The following KSR1 variants were observed in gnomAD, a reference collection of about 807,000 sequenced individuals.
KSR1 encodes kinase suppressor of ras.
Under a neutral mutation model 92.9 loss-of-function variants are expected in KSR1, and 35 were observed. The observed-to-expected ratio is 0.38, with a 90% CI of 0.29 to 0.50. The LOEUF (loss-of-function observed/expected upper bound fraction) is 0.50. Among genes scored for constraint, KSR1 ranks in the 20% least tolerant of loss-of-function variants. The pLI is 0.94. For synonymous variants in KSR1, 467 were observed against 472.6 expected, an observed-to-expected ratio of 0.99 and a Z score of 0.15; for missense variants, 972 against 1,158.5, an observed-to-expected ratio of 0.84 and a Z score of 2.34.
intron 1 of KSR1, among the ~76,000 whole-genome samples, chr17:27,465,819 G>A (rs949059477): frequency 2.0e-5 from 3 of 152,072 alleles, no homozygotes; most frequent in African/African-American, 7.2e-5. Flanking sequence ...TATGGATAAG[G>A]GAGACCAGCT....
chr17:27,577,915 T>A lies in KSR1; in HGVS notation c.520+276T>A. ...CTGGGCTGGGCTGGCCTGGCATGGT[T>A]TCCTCTCTGTTGAGGGCTCTGTGTA... On this transcript the variant is annotated intron_variant, in intron 3 of 20. Transcript: ENST00000644974. This position sits in a 1 kb window ranked among gnomAD's most constrained non-coding sequence, Gnocchi z 4.5. The A allele has an allele frequency of 1.8e-6, 1 of 563,814 alleles. No homozygotes were observed. The highest frequency in any genetic ancestry group is 1.9e-5 in the South Asian group (1 of 53,394). The allele number at this position is 563,814 out of a possible 1,614,324, so 34.9% of individuals were successfully genotyped here.
chr17:27,471,547 G>A (rs2020002438), intron 1 of KSR1, among the ~76,000 whole-genome samples: 1 of 152,166 alleles, frequency 6.6e-6, no homozygotes, highest in African/African-American at 2.4e-5. Flanking sequence ...GGAGGAGGCT[G>A]GTGTGCCTGG....
In KSR1 at chr17:27,610,302, G is replaced by T; in HGVS notation, c.2357+104G>T. On this transcript the variant is annotated intron_variant, in intron 17 of 20. Coordinates refer to ENST00000644974, the MANE Select transcript of KSR1 (RefSeq NM_001394583.1). ...CATGCTTTTAGGTGTTGAAAACCCAGGCTCTGGAGTAAAAAATCAACCTTG... is the reference window on the plus strand; with the variant it reads ...CATGCTTTTAGGTGTTGAAAACCCATGCTCTGGAGTAAAAAATCAACCTTG... 2.7e-6 allele frequency: 4 copies of T among 1,499,362 alleles called. No homozygotes were observed. The South Asian group carries it at 3.7e-5, about 14-fold the overall frequency. 92.9% of individuals were successfully genotyped at this position (1,499,362 alleles called of 1,614,324 possible). A position where few individuals can be genotyped will look rare whatever the true frequency, so the allele number is the denominator to read the frequency against.
chr17:27,583,854 C>T (rs1262200102), intron 4 of KSR1: 4 of 247,358 alleles, frequency 1.6e-5, no homozygotes, highest in Non-Finnish European at 1.9e-5. Flanking sequence ...AGCGCAGCAG[C>T]TCTGTGGCTT....
At chr17:27,521,333 C>A (rs1454877973) in intron 1 of KSR1, among the ~76,000 whole-genome samples, 1 of 149,112 alleles carries the variant, frequency 6.7e-6, no homozygotes, top group Non-Finnish European at 1.5e-5. Context: ...AAAGGCCATT[C>A]CTTTTTTTTT....
intron 1 of KSR1, among the ~76,000 whole-genome samples, chr17:27,525,228 G>A (rs915702763): frequency 1.6e-4 from 25 of 152,380 alleles, no homozygotes; most frequent in African/African-American, 4.3e-4. Context: ...GGACAGGGCT[G>A]TGTACAGTCA....
At chr17:27,515,935 T>TTCTC (rs1468189119) in intron 1 of KSR1, among the ~76,000 whole-genome samples, 1 of 152,182 alleles carries the variant, frequency 6.6e-6, no homozygotes, top group Non-Finnish European at 1.5e-5. Flanking sequence ...GTTTGAAATC[T>TTCTC]TCTCCAGTCA....
rs1238430720 is a variant in KSR1 at position 27,577,147 on chromosome 17, TG to T, written c.373-344del. On this transcript the variant is annotated intron_variant, in intron 2 of 20. Coordinates refer to ENST00000644974, the MANE Select transcript of KSR1 (RefSeq NM_001394583.1). This position sits in a 1 kb window ranked among gnomAD's most constrained non-coding sequence, Gnocchi z 4.5. The stretch of plus-strand genomic sequence containing the variant: ...AAAATTGTGAAGGGCCATCTTTGTC[TG>T]AAGTACTCGTCATTCTAAAAAGTTG... Among the ~76,000 whole-genome samples the T allele has an allele frequency of 2.0e-5, 3 of 152,198 alleles. No individual in the cohort carries two copies. Among genetic ancestry groups the T allele is most frequent in the Non-Finnish European group, 4.4e-5 (3 of 68,034 alleles).
intron 1 of KSR1, among the ~76,000 whole-genome samples, chr17:27,463,283 G>A (rs1226326627): frequency 2.0e-5 from 3 of 152,124 alleles, no homozygotes; most frequent in African/African-American, 7.2e-5. Context: ...GCTGAGGCTG[G>A]TGGATAGCTT....
At chr17:27,547,218 A>G (rs139725032) in intron 1 of KSR1, among the ~76,000 whole-genome samples, 1 of 152,270 alleles carries the variant, frequency 6.6e-6, no homozygotes, top group East Asian at 1.9e-4. Context: ...TTCTGGGGGA[A>G]ATTTCAAAAA....
In KSR1 at chr17:27,581,457, G is replaced by C. The variant is rs543810083; in HGVS notation, c.521-1189G>C. On this transcript the variant is annotated intron_variant, in intron 3 of 20. Coordinates refer to ENST00000644974, the MANE Select transcript of KSR1 (RefSeq NM_001394583.1). ...TTGTCCTTACCTCTGACAGCACACA[G>C]AACTCTTCGTAGTGACCAGAAGGTG... Among the ~76,000 whole-genome samples the C allele has an allele frequency of 3.3e-5, 5 of 152,196 alleles. No homozygotes were observed. In the South Asian group the frequency reaches 1.0e-3, roughly 32 times the overall value.
rs1035980745 is a variant in KSR1, at chr17:27,604,813, G to A, written c.1614+85G>A. ...CAGAATGCGCAGGGGGCTTGAGGGTGAGTGGGTTCTGGACTTTGGCAAGGG... is the reference window on the plus strand; with the variant it reads ...CAGAATGCGCAGGGGGCTTGAGGGTAAGTGGGTTCTGGACTTTGGCAAGGG... On this transcript the variant is annotated intron_variant, in intron 13 of 20. Coordinates refer to ENST00000644974, the MANE Select transcript of KSR1 (RefSeq NM_001394583.1). 4.2e-6 allele frequency: 6 copies of A among 1,420,822 alleles called. No individual in the cohort carries two copies. In the African/African-American group the frequency reaches 7.0e-5, roughly 17 times the overall value. 88.0% of individuals were successfully genotyped at this position (1,420,822 alleles called of 1,614,324 possible).
intron 1 of KSR1, among the ~76,000 whole-genome samples, chr17:27,522,019 A>T (rs143189915): frequency 6.6e-6 from 1 of 152,162 alleles, no homozygotes; most frequent in Non-Finnish European, 1.5e-5. Context: ...CTAGGCCATG[A>T]GTTCTCAGAG....
chr17:27,551,887 C>T (rs942509287), intron 2 of KSR1, among the ~76,000 whole-genome samples: 12 of 152,212 alleles, frequency 7.9e-5, no homozygotes, highest in African/African-American at 2.7e-4. Flanking sequence ...GGGTGCTCAC[C>T]TAGAAAGGTG....
At chr17:27,524,917 C>T (rs2948544) in intron 1 of KSR1, among the ~76,000 whole-genome samples, 110 of 151,930 alleles carry the variant, frequency 7.2e-4, no homozygotes, top group African/African-American at 2.6e-3. Flanking sequence ...AGGTGGAAAA[C>T]GGTGGGGCAC....
chr17:27,623,017 G>T, intron 20 of KSR1: 2 of 447,704 alleles, frequency 4.5e-6, no homozygotes, highest in Non-Finnish European at 8.0e-6. Context: ...GCTTTCCTGG[G>T]CTGCAAATGA....
In KSR1 at chr17:27,550,648, C is replaced by T. The variant is rs746773015; in HGVS notation, c.312C>T (p.Asn104=). 2.1e-5 allele frequency: 16 copies of T among 764,174 alleles called. No individual in the cohort carries two copies. Among genetic ancestry groups the T allele is most frequent in the African/African-American group, 3.4e-5 (2 of 59,126 alleles). The allele number at this position is 764,174 out of a possible 1,614,324, so 47.3% of individuals were successfully genotyped here. ...VAPGERTPEL[N]SYPRFSDWLY... ...CCGGTGAGAGGACCCCAGAGCTCAACAGCTACCCCCGCTTCAGCGACTGGC... is the reference window on the plus strand; with the variant it reads ...CCGGTGAGAGGACCCCAGAGCTCAATAGCTACCCCCGCTTCAGCGACTGGC... Residue 104 remains asparagine (N), a synonymous_variant, in exon 2 of 21, where the codon AAC becomes AAT. Transcript: ENST00000644974.
Position 27,530,494 on chromosome 17 carries a change from C to T in KSR1, c.232-20074C>T, listed in dbSNP as rs147161128. Among the ~76,000 whole-genome samples, 481 of 152,110 alleles carry T rather than the reference C, an allele frequency of 3.2e-3. 5 individuals are homozygous for T. Among genetic ancestry groups the T allele is most frequent in the African/African-American group, 0.011 (451 of 41,492 alleles). Reference sequence around the variant, plus strand: ...GGGCAGATGGAGTAACCAGCAAAGCCGACCTTAGTGGTGAGGCTGGGCATG... The same window carrying T: ...GGGCAGATGGAGTAACCAGCAAAGCTGACCTTAGTGGTGAGGCTGGGCATG... On this transcript the variant is annotated intron_variant, in intron 1 of 20. Transcript: ENST00000644974.
intron 1 of KSR1, among the ~76,000 whole-genome samples, chr17:27,465,814 A>G (rs917820470): frequency 1.3e-5 from 2 of 152,012 alleles, no homozygotes; most frequent in Non-Finnish European, 1.5e-5. Context: ...TTTGATATGG[A>G]TAAGGGAGAC....
Sources: allele counts gnomAD v4.1 joint callset (sites outside exome capture counted in the v4.1 genomes callset), GRCh38; gene constraint gnomAD v4.1.1; non-coding constraint Gnocchi (gnomAD v3.1); transcripts MANE v1.5; gene names NCBI Gene and HGNC (gene_info 2026-07-23, HGNC 2026-07-21).